Variants in DMXL2 observed in about 807,000 individuals in gnomAD.
DMXL2 encodes dmX-like protein 2.
Under a neutral mutation model 331.1 loss-of-function variants are expected in DMXL2, and 103 were observed. The ratio of observed to expected loss-of-function variants is 0.31; its 90% confidence interval spans 0.27 to 0.37. The LOEUF is 0.37. DMXL2 is among the 10% of genes least tolerant of loss of function. The pLI is 1.00. For synonymous variants in DMXL2, 1,281 were observed against 1,252.1 expected, an observed-to-expected ratio of 1.02 and a Z score of -0.49; for missense variants, 3,171 against 3,642.9, an observed-to-expected ratio of 0.87 and a Z score of 3.33.
rs2041997856 is a variant in DMXL2 at position 51,481,343 on chromosome 15, T to G, written c.5763A>C (p.Lys1921Asn). 6.2e-7 allele frequency: 1 copy of G among 1,613,942 alleles called. No individual in the cohort carries two copies. Among genetic ancestry groups the G allele is most frequent in the Non-Finnish European group, 8.5e-7 (1 of 1,179,892 alleles). Residue 1921 changes from lysine (K) to asparagine (N), a missense_variant, in exon 24 of 44, where the codon AAA becomes AAC. Transcript: ENST00000560891. ...VTKTSALSAK[K>N]DQPDFISHRM... ...TGTGAGAAATGAAGTCAGGCTGATC[T>G]TTTTTTGCAGATAAGGCAGATGTTT...
intron 15 of DMXL2, among the ~76,000 whole-genome samples, chr15:51,511,050 G>C (rs550413830): frequency 6.6e-6 from 1 of 152,142 alleles, no homozygotes; most frequent in African/African-American, 2.4e-5. Flanking sequence ...ACTCAAGAGG[G>C]ACTGAAGACT....
intron 26 of DMXL2, among the ~76,000 whole-genome samples, chr15:51,477,209 C>T (rs1247381276): frequency 2.0e-5 from 3 of 151,858 alleles, no homozygotes; most frequent in Non-Finnish European, 4.4e-5. Context: ...ACCAAATGTC[C>T]CTAAATATTA....
In DMXL2 at chr15:51,576,200, AAAAG is replaced by A; in HGVS notation, c.88-23_88-20del. On this transcript the variant is annotated intron_variant, in intron 1 of 43. Coordinates refer to ENST00000560891, the MANE Select transcript of DMXL2 (RefSeq NM_001378457.1). ...CATATGCCTAAAAAAAAAAAAAAAAAAAAGTTTTACAATACATAAGATATGTAAC... is the reference window on the plus strand; with the variant it reads ...CATATGCCTAAAAAAAAAAAAAAAAATTTTACAATACATAAGATATGTAAC... The A allele has an allele frequency of 6.9e-7, 1 of 1,455,838 alleles. No homozygotes were observed. Among genetic ancestry groups the A allele is most frequent in the Non-Finnish European group, 9.1e-7 (1 of 1,097,012 alleles). The allele number at this position is 1,455,838 out of a possible 1,614,324, so 90.2% of individuals were successfully genotyped here. A position where few individuals can be genotyped will look rare whatever the true frequency, so the allele number is the denominator to read the frequency against.
chr15:51,566,232 G>GGTGTGTGTGTGTGT (rs71127197), intron 3 of DMXL2, among the ~76,000 whole-genome samples: 2 of 144,728 alleles, frequency 1.4e-5, no homozygotes, highest in Non-Finnish European at 3.0e-5. Flanking sequence ...GTGTGTGTGG[G>GGTGTGTGTGTGTGT]GTGTGTGTGT....
intron 14 of DMXL2, among the ~76,000 whole-genome samples, chr15:51,515,262 C>T (rs1243483133): frequency 3.3e-5 from 5 of 152,008 alleles, no homozygotes; most frequent in African/African-American, 1.2e-4. Flanking sequence ...AAGGCTAGAT[C>T]CAAACAAAAG....
Position 51,537,629 on chromosome 15 carries a change from A to G in DMXL2, c.1476T>C (p.Asp492=), listed in dbSNP as rs1482655429. 1 of 1,613,754 alleles carries G rather than the reference A, an allele frequency of 6.2e-7. No individual in the cohort carries two copies. The highest frequency in any genetic ancestry group is 8.5e-7 in the Non-Finnish European group (1 of 1,179,882). Reference sequence around the variant, plus strand: ...CAGTTAGCAGCGTTTCAATCTTCCGATCAAGCAGAACCGTAGGCAGTGGCA... The same window carrying G: ...CAGTTAGCAGCGTTTCAATCTTCCGGTCAAGCAGAACCGTAGGCAGTGGCA... The part of the protein sequence containing the change: ...VPMPLPTVLL[D]RKIETLLTEW... Residue 492 remains aspartate (D), a synonymous_variant, in exon 11 of 44, where the codon GAT becomes GAC. Transcript: ENST00000560891.
At position 51,502,971 on chromosome 15, in the gene DMXL2, C is replaced by G. The variant is rs771996807; in HGVS notation, c.2827G>C (p.Asp943His). The change falls in exon 17 of 44, where the codon GAT (aspartate) becomes CAT (histidine). Residue 943 changes from aspartate to histidine, a missense_variant. Asp to His is a moderately conservative substitution (Grantham distance 81). This residue lies in a region of DMXL2 where 1,674 missense variants were observed against 1,780.2 expected (regional missense o/e 0.94). Coordinates refer to ENST00000560891, the MANE Select transcript of DMXL2 (RefSeq NM_001378457.1). ...LLSVPGQKNV[D>H]SSPETSPSVS... ...CTAGGAGAGGTTTCTGGAGAAGAAT[C>G]TACGTTCTTCTGTCCAGGGACTGAA... 2 of 1,613,872 alleles carry G rather than the reference C, an allele frequency of 1.2e-6. No homozygotes were observed. Among genetic ancestry groups the G allele is most frequent in the South Asian group, 2.2e-5 (2 of 91,056 alleles).
chr15:51,469,953 C>T lies in DMXL2; in HGVS notation c.7392+1270G>A, dbSNP rs140842215. On this transcript the variant is annotated intron_variant, in intron 29 of 43. Coordinates refer to ENST00000560891, the MANE Select transcript of DMXL2 (RefSeq NM_001378457.1). The stretch of plus-strand genomic sequence containing the variant: ...ACAATGTGCCTAAGCTCATAGTTCT[C>T]AAACTTCAGCACACATTAGAACCAT... Among the ~76,000 whole-genome samples the T allele has an allele frequency of 2.0e-5, 3 of 152,288 alleles. No homozygotes were observed. In the East Asian group the frequency reaches 5.8e-4, roughly 29 times the overall value.
At chr15:51,478,634 G>A (rs2041773720) in intron 25 of DMXL2, among the ~76,000 whole-genome samples, 1 of 151,930 alleles carries the variant, frequency 6.6e-6, no homozygotes. Context: ...CATATTACAG[G>A]CATTTGTCCT....
At chr15:51,596,377 T>C (rs1235114798) in intron 1 of DMXL2, among the ~76,000 whole-genome samples, 2 of 152,146 alleles carry the variant, frequency 1.3e-5, no homozygotes, top group African/African-American at 2.4e-5. Flanking sequence ...TGAGATACCA[T>C]CTCACACCAG....
intron 6 of DMXL2, 140 bp downstream of exon 6, chr15:51,563,241 C>T: frequency 1.4e-6 from 1 of 693,774 alleles, no homozygotes; most frequent in Non-Finnish European, 2.3e-6. Flanking sequence ...TTTACAAACA[C>T]CACTTTTATT....
rs2039515771 is a variant in DMXL2, at chr15:51,455,179, T to G, written c.8576A>C (p.Gln2859Pro). The part of the protein sequence containing the change: ...EGFLSIWQVN[Q>P]TASNPKPYMS... ...ATAAGGTTTAGGATTTGATGCAGTTTGGTTAACTTGCCAGATACTCAGAAA... is the reference window on the plus strand; with the variant it reads ...ATAAGGTTTAGGATTTGATGCAGTTGGGTTAACTTGCCAGATACTCAGAAA... Residue 2859 changes from glutamine to proline, a missense_variant, in exon 40 of 44, where the codon CAA (glutamine) becomes CCA (proline). Transcript: ENST00000560891. The G allele has an allele frequency of 6.2e-7, 1 of 1,614,022 alleles. No homozygotes were observed. Among genetic ancestry groups the G allele is most frequent in the South Asian group, 1.1e-5 (1 of 91,086 alleles).
At chr15:51,557,575 C>T (rs867959574) in intron 6 of DMXL2, among the ~76,000 whole-genome samples, 11 of 151,950 alleles carry the variant, frequency 7.2e-5, no homozygotes, top group Non-Finnish European at 7.4e-5. Flanking sequence ...ATAGATAAGA[C>T]GATCTTAAAA....
chr15:51,499,327 C>G lies in DMXL2; in HGVS notation c.3897G>C (p.Ser1299=). 6.2e-7 allele frequency: 1 copy of G among 1,613,902 alleles called. No individual in the cohort carries two copies. Among genetic ancestry groups the G allele is most frequent in the Non-Finnish European group, 8.5e-7 (1 of 1,179,998 alleles). ...TTGCCAGCATATTAGATTTAAAGGT[C>G]GAATGATCTTGCATTGCTGCCTCTT... is the stretch of plus-strand genomic sequence containing the variant. ...NAEEAAMQDH[S]TFKSNMLARK... is the part of the protein sequence containing the mutation. The change falls in exon 18 of 44, where the codon TCG becomes TCC. Residue 1299 remains serine (S), a synonymous_variant. Transcript: ENST00000560891.
intron 1 of DMXL2, among the ~76,000 whole-genome samples, chr15:51,593,192 T>C (rs1422741985): frequency 6.6e-6 from 1 of 152,036 alleles, no homozygotes; most frequent in Non-Finnish European, 1.5e-5. Flanking sequence ...GAGACACACA[T>C]ACGCTCAAAA....
chr15:51,540,191 T>G (rs531616144), intron 9 of DMXL2, among the ~76,000 whole-genome samples: 1 of 152,288 alleles, frequency 6.6e-6, no homozygotes, highest in South Asian at 2.1e-4. Flanking sequence ...TTTTTGAGAC[T>G]AACAGATTTT....
chr15:51,466,213 T>C lies in DMXL2; in HGVS notation c.7491A>G (p.Ile2497Met). ...AGGAATTTGGATCTTGGTGCTCCTGTATTTGTGTATCTGAAAAAAAGGCAT... is the reference window on the plus strand; with the variant it reads ...AGGAATTTGGATCTTGGTGCTCCTGCATTTGTGTATCTGAAAAAAAGGCAT... ...EDDAFFSDTQIQEHQDPNSYS... is the reference protein window; with the variant it reads ...EDDAFFSDTQMQEHQDPNSYS... Residue 2497 changes from isoleucine to methionine, a missense_variant, in exon 30 of 44, where the codon ATA (isoleucine) becomes ATG (methionine). By Grantham distance (10) the Ile-to-Met change is conservative. Around this residue, in one of 7 missense-constraint regions of DMXL2, gnomAD observed 766 missense variants for 940.5 expected, o/e 0.81. Transcript: ENST00000560891. The C allele has an allele frequency of 1.9e-6, 3 of 1,575,374 alleles. No individual in the cohort carries two copies. The highest frequency in any genetic ancestry group is 2.6e-6 in the Non-Finnish European group (3 of 1,167,158).
intron 17 of DMXL2, among the ~76,000 whole-genome samples, chr15:51,501,650 G>A (rs574231264): frequency 2.5e-4 from 38 of 152,318 alleles, no homozygotes; most frequent in African/African-American, 3.8e-4. Flanking sequence ...GGCTGGGCGC[G>A]GTGGCTCACG....
At position 51,542,417 on chromosome 15, in the gene DMXL2, T is replaced by C. The variant is rs772553926; in HGVS notation, c.1021A>G (p.Met341Val). The C allele has an allele frequency of 1.4e-5, 22 of 1,613,748 alleles. No homozygotes were observed. Among genetic ancestry groups the C allele is most frequent in the Non-Finnish European group, 1.8e-5 (21 of 1,179,780 alleles). ...GAAATGTGTCTTTGAACTTCATGCA[T>C]TGCTGTCTGGTCGGGCATTAATTCA... ...HAELMPDQTA[M>V]HEVQRHISHH... is the part of the protein sequence containing the mutation. Residue 341 changes from methionine to valine, a missense_variant, in exon 9 of 44, where the codon ATG (methionine) becomes GTG (valine). Around this residue, in one of 7 missense-constraint regions of DMXL2, gnomAD observed 1,674 missense variants for 1,780.2 expected, o/e 0.94. Transcript: ENST00000560891.
Sources: allele counts gnomAD v4.1 joint callset (sites outside exome capture counted in the v4.1 genomes callset), GRCh38; gene constraint gnomAD v4.1.1; regional missense constraint gnomAD v4.1.1; transcripts MANE v1.5; gene names NCBI Gene and HGNC (gene_info 2026-07-23, HGNC 2026-07-21).